SPMIP4: variants seen among roughly 807,000 people sequenced by gnomAD.
The protein encoded by SPMIP4 is sperm-associated microtubule inner protein 4.
At chr7:25,130,671 C>T in the SPMIP4 span, among the ~76,000 whole-genome samples, 90,860 of 151,938 alleles carry the variant, frequency 0.6, 28,374 homozygotes, top group Non-Finnish European at 0.69. Context: ...ATAATCCTAA[C>T]CTTGTGACCT....
At chr7:25,166,230 C>CCT in the SPMIP4 span, among the ~76,000 whole-genome samples, 1 of 69,270 alleles carries the variant, frequency 1.4e-5, no homozygotes, top group South Asian at 4.6e-4. Flanking sequence ...TTCTTTCCGT[C>CCT]TTCTTTTTTT....
the SPMIP4 span, among the ~76,000 whole-genome samples, chr7:25,156,154 C>T: frequency 2.0e-5 from 3 of 152,146 alleles, no homozygotes; most frequent in East Asian, 1.9e-4. Context: ...CAGACAAACA[C>T]CTGAGGAGGA....
the SPMIP4 span, among the ~76,000 whole-genome samples, chr7:25,175,043 T>C: frequency 6.6e-6 from 1 of 152,192 alleles, no homozygotes; most frequent in Admixed American, 6.5e-5. Context: ...TTTTCAGTGC[T>C]GCTAGCCCAG....
chr7:25,162,494 G>A, the SPMIP4 span, among the ~76,000 whole-genome samples: 3 of 151,862 alleles, frequency 2.0e-5, no homozygotes, highest in Non-Finnish European at 4.4e-5. Flanking sequence ...AAGAATAAAC[G>A]TAGAAAAGGA....
the SPMIP4 span, among the ~76,000 whole-genome samples, chr7:25,170,322 A>C: frequency 6.6e-6 from 1 of 152,132 alleles, no homozygotes; most frequent in African/African-American, 2.4e-5. Flanking sequence ...TTTTCCATGT[A>C]CCTATTGGCA....
the SPMIP4 span, among the ~76,000 whole-genome samples, chr7:25,168,991 T>A: frequency 2.7e-5 from 4 of 149,464 alleles, no homozygotes; most frequent in African/African-American, 9.8e-5. Context: ...CCTCCCAAAG[T>A]GCTTGAGATT....
the SPMIP4 span, among the ~76,000 whole-genome samples, chr7:25,168,710 T>G: frequency 6.6e-6 from 1 of 151,410 alleles, no homozygotes; most frequent in South Asian, 2.1e-4. Context: ...AGTTATAGTG[T>G]GTTTATTTTT....
chr7:25,136,469 T>C, the SPMIP4 span: 1 of 1,614,120 alleles, frequency 6.2e-7, no homozygotes, highest in Non-Finnish European at 8.5e-7. This position sits in a 1 kb window ranked among gnomAD's most constrained non-coding sequence, Gnocchi z 5.7. Context: ...AATGGCTTTA[T>C]GTCATAAATG....
At chr7:25,157,865 T>C in the SPMIP4 span, among the ~76,000 whole-genome samples, 1 of 152,204 alleles carries the variant, frequency 6.6e-6, no homozygotes, top group Non-Finnish European at 1.5e-5. Context: ...TTGTGACAAA[T>C]GTGCCATATT....
At chr7:25,173,862 A>C in the SPMIP4 span, among the ~76,000 whole-genome samples, 1 of 152,222 alleles carries the variant, frequency 6.6e-6, no homozygotes, top group Non-Finnish European at 1.5e-5. The surrounding 1 kb of genome is among the most constrained non-coding windows in gnomAD (Gnocchi z 4.4). Flanking sequence ...CTAAAGCTGG[A>C]AAGTTGCAGG....
At chr7:25,129,340 T>C in the SPMIP4 span, among the ~76,000 whole-genome samples, 1 of 152,242 alleles carries the variant, frequency 6.6e-6, no homozygotes, top group South Asian at 2.1e-4. Flanking sequence ...CCTCTCTAGC[T>C]AGGGCTCATC....
the SPMIP4 span, among the ~76,000 whole-genome samples, chr7:25,176,432 C>G: frequency 7.2e-5 from 11 of 152,126 alleles, no homozygotes; most frequent in Non-Finnish European, 1.3e-4. The surrounding 1 kb of genome is among the most constrained non-coding windows in gnomAD (Gnocchi z 4.4). Flanking sequence ...TGTGATAACC[C>G]TTGGAGTTGA....
chr7:25,135,280 T>C, the SPMIP4 span: 1 of 970,514 alleles, frequency 1.0e-6, no homozygotes, highest in Non-Finnish European at 1.2e-6. Context: ...AAAATAATTT[T>C]ATCTGCATAA....
chr7:25,146,600 T>C, the SPMIP4 span, among the ~76,000 whole-genome samples: 4 of 152,118 alleles, frequency 2.6e-5, no homozygotes, highest in Non-Finnish European at 4.4e-5. Flanking sequence ...GGAATGGGCA[T>C]TTTAGATTGG....
chr7:25,153,563 C>A, the SPMIP4 span, among the ~76,000 whole-genome samples: 78 of 140,890 alleles, frequency 5.5e-4, no homozygotes, highest in South Asian at 6.8e-4. Flanking sequence ...GACTCCGTCT[C>A]AAAAAAAAAA....
chr7:25,144,646 A>T, the SPMIP4 span, among the ~76,000 whole-genome samples: 1 of 152,238 alleles, frequency 6.6e-6, no homozygotes, highest in Non-Finnish European at 1.5e-5. Context: ...GAGACAGAGG[A>T]GCATGGGCTC....
the SPMIP4 span, chr7:25,179,310 C>A: frequency 1.2e-6 from 2 of 1,603,228 alleles, no homozygotes; most frequent in Admixed American, 1.7e-5. Flanking sequence ...GACTTCCATG[C>A]TTCTTGGCTA....
the SPMIP4 span, among the ~76,000 whole-genome samples, chr7:25,145,170 G>T: frequency 7.2e-5 from 11 of 152,032 alleles, no homozygotes; most frequent in Non-Finnish European, 1.5e-4. Flanking sequence ...ACCATGGTTG[G>T]CCAGGCTGGT....
chr7:25,142,327 C>G, the SPMIP4 span: 12 of 1,600,980 alleles, frequency 7.5e-6, no homozygotes, highest in Non-Finnish European at 1.0e-5. Flanking sequence ...TCCATGGGCC[C>G]CAGACCTTAA....
Sources: allele counts gnomAD v4.1 joint callset (sites outside exome capture counted in the v4.1 genomes callset), GRCh38; gene constraint gnomAD v4.1.1; non-coding constraint Gnocchi (gnomAD v3.1); transcripts MANE v1.5; gene names NCBI Gene and HGNC (gene_info 2026-07-23, HGNC 2026-07-21).